The following TSHR variants were observed in gnomAD, a reference collection of about 807,000 sequenced individuals.
The protein encoded by TSHR is thyrotropin receptor.
Under a neutral mutation model 64.1 loss-of-function variants are expected in TSHR, and 51 were observed. The ratio of observed to expected loss-of-function variants is 0.80; its 90% confidence interval spans 0.64 to 1.01. TSHR has a LOEUF of 1.01. Among genes scored for constraint, TSHR ranks in the 50% least tolerant of loss-of-function variants. TSHR has a pLI of 0.00. For synonymous variants in TSHR, 361 were observed against 361.9 expected, an observed-to-expected ratio of 1.00 and a Z score of 0.03; for missense variants, 877 against 942.8, an observed-to-expected ratio of 0.93 and a Z score of 0.91.
intron 1 of TSHR, among the ~76,000 whole-genome samples, chr14:80,972,359 A>G (rs1014729717): frequency 3.3e-5 from 5 of 152,072 alleles, no homozygotes; most frequent in Non-Finnish European, 4.4e-5. Flanking sequence ...ATGTCTTCAC[A>G]TATAATATCT....
intron 6 of TSHR, among the ~76,000 whole-genome samples, chr14:81,095,213 G>C (rs10143087): frequency 0.26 from 39,268 of 152,000 alleles, 7,508 homozygotes; most frequent in African/African-American, 0.54. Context: ...TAGCCCAGAG[G>C]TCCCAAGGCT....
Position 81,144,386 on chromosome 14 carries a change from A to T in TSHR, c.*33A>T, listed in dbSNP as rs1891851365. On this transcript the variant is annotated 3_prime_UTR_variant, in exon 10 of 10. Transcript: ENST00000298171. ...CTACACTACTCACAATGGTAGGGGAACTTACAAAATAATAGTTTCTTGAAT... is the reference window on the plus strand; with the variant it reads ...CTACACTACTCACAATGGTAGGGGATCTTACAAAATAATAGTTTCTTGAAT... 6.2e-7 allele frequency: 1 copy of T among 1,606,168 alleles called. No homozygotes were observed. The highest frequency in any genetic ancestry group is 8.5e-7 in the Non-Finnish European group (1 of 1,173,630).
At chr14:81,018,640 T>G (rs1011708343) in intron 1 of TSHR, among the ~76,000 whole-genome samples, 108 of 152,208 alleles carry the variant, frequency 7.1e-4, no homozygotes, top group African/African-American at 2.4e-3. Flanking sequence ...TCTAAAACTT[T>G]TACCTAGAAA....
chr14:80,997,043 A>G (rs1370466438), intron 1 of TSHR, among the ~76,000 whole-genome samples: 3 of 152,136 alleles, frequency 2.0e-5, no homozygotes, highest in Non-Finnish European at 2.9e-5. Flanking sequence ...CCATTTAGTG[A>G]CTTCTGTTTT....
At chr14:81,141,411 TA>T (rs1164242632) in intron 9 of TSHR, among the ~76,000 whole-genome samples, 3 of 152,234 alleles carry the variant, frequency 2.0e-5, no homozygotes, top group African/African-American at 7.2e-5. Context: ...TGAGGCAAGT[TA>T]AAGAATCCCT....
intron 8 of TSHR, among the ~76,000 whole-genome samples, chr14:81,127,163 A>G (rs758369559): frequency 2.6e-5 from 4 of 152,210 alleles, no homozygotes; most frequent in Non-Finnish European, 5.9e-5. Flanking sequence ...TAGCATGTAG[A>G]ATTAGGCACA....
At chr14:81,037,152 T>C (rs1044828706) in intron 1 of TSHR, among the ~76,000 whole-genome samples, 2 of 150,468 alleles carry the variant, frequency 1.3e-5, no homozygotes, top group South Asian at 2.1e-4. Context: ...AAAAAAAAAA[T>C]GTTTTTAATA....
chr14:81,104,464 T>C, intron 7 of TSHR: 2 of 985,350 alleles, frequency 2.0e-6, no homozygotes, highest in Non-Finnish European at 2.4e-6. Flanking sequence ...CAATAGCAAA[T>C]TCTCTTGCCA....
Position 80,973,403 on chromosome 14 carries a change from C to CAAAAAAAAAAAAAAA in TSHR, c.170+17565_170+17579dup, listed in dbSNP as rs58316010. On this transcript the variant is annotated intron_variant, in intron 1 of 9. Transcript: ENST00000298171. The stretch of plus-strand genomic sequence containing the variant: ...CCCGGGTGACAGCGAGACGCTGTCT[C>CAAAAAAAAAAAAAAA]AAAAAAAAAAAAAAAAAAAAAAAAA... 3.4e-3 allele frequency among the ~76,000 whole-genome samples: 177 copies of CAAAAAAAAAAAAAAA among 51,428 alleles called. 33 individuals are homozygous for CAAAAAAAAAAAAAAA. The highest frequency in any genetic ancestry group is 5.2e-3 in the Admixed American group (18 of 3,492). 33.7% of individuals were successfully genotyped at this position (51,428 alleles called of 152,430 possible).
rs550789000 is a variant in TSHR, at chr14:81,043,639, CA to C, written c.171-18504del. 1.5e-3 allele frequency among the ~76,000 whole-genome samples: 222 copies of C among 152,080 alleles called. 1 individual carries two copies. Among genetic ancestry groups the C allele is most frequent in the African/African-American group, 5.1e-3 (212 of 41,490 alleles). ...CCCAAATAGCCAAGACAATCCTAAG[CA>C]AAAAGAACAAAGCTGGAGGCATCAT... On this transcript the variant is annotated intron_variant, in intron 1 of 9. Coordinates refer to ENST00000298171, the MANE Select transcript of TSHR (RefSeq NM_000369.5).
intron 1 of TSHR, among the ~76,000 whole-genome samples, chr14:80,972,907 T>C (rs569795304): frequency 6.6e-6 from 1 of 152,262 alleles, no homozygotes; most frequent in Admixed American, 6.5e-5. Context: ...GCATAATGCT[T>C]TCAAGTTTCA....
At chr14:81,121,322 C>T (rs143654596) in intron 8 of TSHR, among the ~76,000 whole-genome samples, 70 of 152,132 alleles carry the variant, frequency 4.6e-4, no homozygotes, top group African/African-American at 1.5e-3. Flanking sequence ...TTCTCAATGG[C>T]GACATTGAAG....
At chr14:81,053,674 T>C (rs1188920525) in intron 1 of TSHR, 1 of 152,186 alleles carries the variant, frequency 6.6e-6, no homozygotes, top group Non-Finnish European at 1.5e-5. Context: ...TAGTTAAGTA[T>C]ACACTTACCT....
intron 1 of TSHR, among the ~76,000 whole-genome samples, chr14:81,020,372 G>A (rs913012896): frequency 6.6e-6 from 1 of 152,180 alleles, no homozygotes; most frequent in African/African-American, 2.4e-5. Context: ...AGTGAGCAAA[G>A]CTTCATCTGT....
In TSHR at chr14:81,008,414, T is replaced by C. The variant is rs537788128; in HGVS notation, c.170+52564T>C. Among the ~76,000 whole-genome samples, 602 of 152,224 alleles carry C rather than the reference T, an allele frequency of 4.0e-3. 3 individuals are homozygous for C. Among genetic ancestry groups the C allele is most frequent in the African/African-American group, 0.013 (556 of 41,538 alleles). On this transcript the variant is annotated intron_variant, in intron 1 of 9. Transcript: ENST00000298171. The stretch of plus-strand genomic sequence containing the variant: ...GTCTCCATCTCCTGACTTCATGATC[T>C]GCCCACCTTGGCCTCCCAAAGTGCT...
chr14:81,027,933 T>TTAAGGCTGATCTGAGAC (rs1884154553), intron 1 of TSHR, among the ~76,000 whole-genome samples: 1 of 152,116 alleles, frequency 6.6e-6, no homozygotes, highest in Non-Finnish European at 1.5e-5. Flanking sequence ...AATATATTGT[T>TTAAGGCTGATCTGAGAC]TAAGGCTGAT....
intron 8 of TSHR, among the ~76,000 whole-genome samples, chr14:81,127,354 TA>T (rs1326322281): frequency 5.3e-5 from 8 of 152,002 alleles, no homozygotes; most frequent in African/African-American, 1.2e-4. Flanking sequence ...AATAAACACT[TA>T]AAAAAAAGTG....
chr14:81,083,947 A>T (rs1347255939), intron 3 of TSHR, among the ~76,000 whole-genome samples: 1 of 151,520 alleles, frequency 6.6e-6, no homozygotes, highest in African/African-American at 2.4e-5. Context: ...TCTCATGAGA[A>T]CTCACTCACT....
At chr14:80,982,722 A>C in intron 1 of TSHR, 1 of 845,576 alleles carries the variant, frequency 1.2e-6, no homozygotes, top group Non-Finnish European at 1.7e-6. Flanking sequence ...GCCCTCCTTC[A>C]TATATTGTTT....
Sources: gnomAD v4.1 joint callset for allele counts (sites outside exome capture counted in the v4.1 genomes callset) on GRCh38, gnomAD v4.1.1 for gene constraint, MANE v1.5 for transcripts, NCBI Gene and HGNC (gene_info 2026-07-23, HGNC 2026-07-21) for gene names.